TRPM3: variants seen among roughly 807,000 people sequenced by gnomAD.
TRPM3 encodes the protein long transient receptor potential channel 3.
Under a neutral mutation model 181.2 loss-of-function variants are expected in TRPM3, and 77 were observed. That is an observed-to-expected ratio of 0.42 (90% CI 0.35 to 0.51). The LOEUF (loss-of-function observed/expected upper bound fraction) is 0.51. Ranked by LOEUF, TRPM3 falls within the 20% of genes least tolerant of loss-of-function variation. The probability of loss-of-function intolerance (pLI) is 0.01; values close to 1 mark genes in which losing one functional copy is unlikely to be tolerated. For missense variants in TRPM3, 1,759 were observed against 2,196.7 expected, an observed-to-expected ratio of 0.80 and a Z score of 3.98; for synonymous variants, 745 against 796.4, an observed-to-expected ratio of 0.94 and a Z score of 1.09.
intron 6 of TRPM3, 55 bp downstream of exon 6, chr9:70,827,792 T>G: frequency 6.3e-7 from 1 of 1,574,812 alleles, no homozygotes; most frequent in African/African-American, 1.3e-5. Context: ...CTTAAAGTTA[T>G]TCACTTTCAG....
At chr9:70,652,948 G>T (rs1284172794) in intron 9 of TRPM3, among the ~76,000 whole-genome samples, 2 of 152,174 alleles carry the variant, frequency 1.3e-5, no homozygotes. Flanking sequence ...GTTAAGAGGA[G>T]AAAGGTTAGA....
At chr9:70,970,681 T>C (rs1292810963) in intron 1 of TRPM3, among the ~76,000 whole-genome samples, 2 of 152,166 alleles carry the variant, frequency 1.3e-5, no homozygotes, top group Non-Finnish European at 2.9e-5. Context: ...GAAGTTGAAA[T>C]GAAAGCTGGT....
chr9:70,796,437 C>T (rs939520514), intron 6 of TRPM3, among the ~76,000 whole-genome samples: 1 of 152,116 alleles, frequency 6.6e-6, no homozygotes, highest in African/African-American at 2.4e-5. Context: ...TCTACCTGTC[C>T]CAAATGCAAA....
intron 9 of TRPM3, among the ~76,000 whole-genome samples, chr9:70,649,620 T>C (rs913616448): frequency 6.6e-6 from 1 of 152,156 alleles, no homozygotes; most frequent in Non-Finnish European, 1.5e-5. Context: ...TCAGAATGGC[T>C]AGTACTAAAA....
chr9:70,982,661 C>T (rs2097374811), intron 1 of TRPM3, among the ~76,000 whole-genome samples: 1 of 152,170 alleles, frequency 6.6e-6, no homozygotes, highest in African/African-American at 2.4e-5. Context: ...CATATTCATC[C>T]TCCTCTCTTC....
At chr9:70,747,223 A>G (rs138526400) in intron 8 of TRPM3, among the ~76,000 whole-genome samples, 307 of 152,290 alleles carry the variant, frequency 2.0e-3, no homozygotes, top group African/African-American at 7.1e-3. Flanking sequence ...GAAGTTAGAG[A>G]TATACATAAA....
At position 71,155,485 on chromosome 9, in the gene TRPM3, T is replaced by C. The variant is rs189203823; in HGVS notation, c.184-290974A>G. Among the ~76,000 whole-genome samples, 197 of 116,392 alleles carry C rather than the reference T, an allele frequency of 1.7e-3. 2 individuals carry two copies. The highest frequency in any genetic ancestry group is 6.7e-3 in the African/African-American group (192 of 28,626). 76.4% of individuals were successfully genotyped at this position (116,392 alleles called of 152,430 possible). A position where few individuals can be genotyped will look rare whatever the true frequency, so the allele number is the denominator to read the frequency against. On this transcript the variant is annotated intron_variant, in intron 1 of 24. Coordinates refer to the TRPM3 transcript ENST00000357533. ...AGGCATGCACCACCATGCTTATTTTTATTTTATTTTATTTTATTTTATTTT... is the reference window on the plus strand; with the variant it reads ...AGGCATGCACCACCATGCTTATTTTCATTTTATTTTATTTTATTTTATTTT...
At chr9:70,910,027 A>T (rs1589708266) in intron 1 of TRPM3, among the ~76,000 whole-genome samples, 1 of 152,334 alleles carries the variant, frequency 6.6e-6, no homozygotes, top group African/African-American at 2.4e-5. Flanking sequence ...GATTATGTAC[A>T]TCCTATAATC....
intron 1 of TRPM3, among the ~76,000 whole-genome samples, chr9:71,116,347 T>C (rs1245605290): frequency 6.6e-6 from 1 of 152,206 alleles, no homozygotes; most frequent in Non-Finnish European, 1.5e-5. Flanking sequence ...GATTCAGAAT[T>C]TTAGATGTGA....
chr9:70,903,839 AATCC>A (rs2096421935), intron 1 of TRPM3, among the ~76,000 whole-genome samples: 1 of 152,220 alleles, frequency 6.6e-6, no homozygotes, highest in South Asian at 2.1e-4. Flanking sequence ...TTCGTTTAAC[AATCC>A]ATTGTGTATC....
intron 1 of TRPM3, among the ~76,000 whole-genome samples, chr9:70,950,809 T>C (rs2096989946): frequency 6.6e-6 from 1 of 152,140 alleles, no homozygotes; most frequent in Admixed American, 6.6e-5. Context: ...TTTTATTTAA[T>C]TTGTTTTTCA....
At chr9:71,137,987 G>A (rs1391074900) in intron 1 of TRPM3, among the ~76,000 whole-genome samples, 2 of 151,880 alleles carry the variant, frequency 1.3e-5, no homozygotes, top group East Asian at 1.9e-4. Flanking sequence ...GGTGGCAGGC[G>A]CCTGTAATCC....
intron 1 of TRPM3, among the ~76,000 whole-genome samples, chr9:70,913,061 C>T (rs2096554704): frequency 6.6e-6 from 1 of 152,130 alleles, no homozygotes; most frequent in Admixed American, 6.6e-5. Flanking sequence ...AATTAGGCAA[C>T]CTATAAATGT....
chr9:71,153,138 C>T (rs187538368), intron 1 of TRPM3, among the ~76,000 whole-genome samples: 403 of 152,218 alleles, frequency 2.6e-3, no homozygotes, highest in Admixed American at 4.7e-3. Context: ...ACCATCAGAT[C>T]ATCTTGGTAA....
At chr9:71,032,150 CTATATAT>C (rs1304377962) in intron 1 of TRPM3, among the ~76,000 whole-genome samples, 9 of 100,960 alleles carry the variant, frequency 8.9e-5, no homozygotes, top group African/African-American at 2.9e-4. Context: ...ATTATATATA[CTATATAT>C]TATATAATAT....
intron 1 of TRPM3, among the ~76,000 whole-genome samples, chr9:71,143,121 T>G (rs958207584): frequency 2.2e-5 from 3 of 139,472 alleles, no homozygotes; most frequent in African/African-American, 8.0e-5. Context: ...TGAGACCCTA[T>G]CCCAAAAAAA....
chr9:70,545,006 A>G (rs1564247752), intron 25 of TRPM3, among the ~76,000 whole-genome samples: 2 of 152,212 alleles, frequency 1.3e-5, no homozygotes. Context: ...TACCTCATAT[A>G]TGCCCCTCAA....
chr9:71,354,138 G>C (rs905879956), intron 1 of TRPM3, among the ~76,000 whole-genome samples: 1 of 152,106 alleles, frequency 6.6e-6, no homozygotes, highest in Non-Finnish European at 1.5e-5. Flanking sequence ...GCTGACATTT[G>C]AGATTCTGAT....
chr9:70,743,954 T>C (rs2074638760), intron 8 of TRPM3, among the ~76,000 whole-genome samples: 1 of 152,148 alleles, frequency 6.6e-6, no homozygotes, highest in African/African-American at 2.4e-5. Flanking sequence ...TTGAGGAATA[T>C]GGCTGAAAAA....
Sources: gnomAD v4.1 joint callset for allele counts (sites outside exome capture counted in the v4.1 genomes callset) on GRCh38, gnomAD v4.1.1 for gene constraint, MANE v1.5 for transcripts, NCBI Gene and HGNC (gene_info 2026-07-23, HGNC 2026-07-21) for gene names.